Variants in MSH4 observed in about 807,000 individuals in gnomAD.
MSH4 encodes mutS homolog 4, also known as mutS protein homolog 4.
MSH4 carries 106 observed loss-of-function variants against 113.7 expected under a neutral mutation model. That is an observed-to-expected ratio of 0.93 (90% CI 0.80 to 1.10). The LOEUF (loss-of-function observed/expected upper bound fraction) is 1.10. MSH4 is among the 50% of genes least tolerant of loss of function. MSH4 has a pLI of 0.00. For synonymous variants in MSH4, 368 were observed against 380.2 expected (o/e 0.97, Z 0.37); for missense variants, 1,061 against 1,093.7 (o/e 0.97, Z 0.42).
intron 2 of MSH4, among the ~76,000 whole-genome samples, chr1:75,806,571 A>C (rs770205466): frequency 2.0e-4 from 31 of 151,866 alleles, no homozygotes; most frequent in Non-Finnish European, 2.8e-4. Flanking sequence ...CTATGTTTCT[A>C]GTTCTTTTTT....
chr1:75,831,669 C>T (rs1650694477), intron 7 of MSH4, among the ~76,000 whole-genome samples: 2 of 152,180 alleles, frequency 1.3e-5, no homozygotes, highest in South Asian at 4.1e-4. Flanking sequence ...ACTGAACAAC[C>T]TGCTCCTGAA....
intron 8 of MSH4, among the ~76,000 whole-genome samples, chr1:75,853,312 G>A (rs1346916643): frequency 6.6e-6 from 1 of 152,078 alleles, no homozygotes; most frequent in Non-Finnish European, 1.5e-5. Context: ...TGATCTGCCT[G>A]CCTCAGCCTC....
chr1:75,906,570 A>ATATATATAAT (rs1652660569), intron 19 of MSH4, among the ~76,000 whole-genome samples: 1 of 56,442 alleles, frequency 1.8e-5, no homozygotes, highest in Admixed American at 3.4e-4. Flanking sequence ...ATATTATATA[A>ATATATATAAT]ATTTAAATAT....
At chr1:75,907,726 A>G (rs1174301643) in intron 19 of MSH4, among the ~76,000 whole-genome samples, 2 of 116,778 alleles carry the variant, frequency 1.7e-5, no homozygotes, top group African/African-American at 6.8e-5. Flanking sequence ...ATATGTATAA[A>G]ATCTTTCAGG....
chr1:75,861,267 A>G lies in MSH4; in HGVS notation c.1231-6247A>G, dbSNP rs376338836. On this transcript the variant is annotated intron_variant, in intron 8 of 19. Transcript: ENST00000263187. The stretch of plus-strand genomic sequence containing the variant: ...GACCTTCTGAAGCCTACTTCTGTCA[A>G]GTCGTCAAACTCATTCTGCATCCAG... Among the ~76,000 whole-genome samples, 59 of 152,284 alleles carry G rather than the reference A, an allele frequency of 3.9e-4. 1 individual carries two copies. The highest frequency in any genetic ancestry group is 1.4e-3 in the African/African-American group (58 of 41,560).
At chr1:75,885,059 G>GTGTGTATA (rs1300289205) in intron 15 of MSH4, among the ~76,000 whole-genome samples, 40 of 112,538 alleles carry the variant, frequency 3.6e-4, no homozygotes, top group African/African-American at 1.2e-3. Flanking sequence ...GTGTGTGTGT[G>GTGTGTATA]TATATATATA....
chr1:75,802,864 C>T (rs1180965825), intron 1 of MSH4, among the ~76,000 whole-genome samples: 3 of 152,146 alleles, frequency 2.0e-5, no homozygotes, highest in Non-Finnish European at 4.4e-5. Context: ...GGTCTTTGTG[C>T]TGGTGGAGTC....
At chr1:75,875,214 A>G (rs1016656088) in intron 9 of MSH4, among the ~76,000 whole-genome samples, 1 of 152,194 alleles carries the variant, frequency 6.6e-6, no homozygotes, top group African/African-American at 2.4e-5. Context: ...TTTAACATCA[A>G]TAATGAGGCC....
At chr1:75,835,752 C>T (rs974752878) in intron 7 of MSH4, among the ~76,000 whole-genome samples, 2 of 152,226 alleles carry the variant, frequency 1.3e-5, no homozygotes, top group Non-Finnish European at 2.9e-5. Flanking sequence ...TATCACTTCT[C>T]TATTCACAGC....
chr1:75,904,586 A>C (rs1652580377), intron 19 of MSH4, among the ~76,000 whole-genome samples: 1 of 151,036 alleles, frequency 6.6e-6, no homozygotes, highest in Non-Finnish European at 1.5e-5. Flanking sequence ...ATCCCAGCCC[A>C]CTGCTTACTT....
At chr1:75,855,225 A>G (rs1372592480) in intron 8 of MSH4, among the ~76,000 whole-genome samples, 1 of 152,052 alleles carries the variant, frequency 6.6e-6, no homozygotes, top group Non-Finnish European at 1.5e-5. Flanking sequence ...TTTTGTAGAG[A>G]TGGGGAATTG....
chr1:75,867,715 G>A, intron 9 of MSH4, 127 bp downstream of exon 9: 1 of 635,116 alleles, frequency 1.6e-6, no homozygotes, highest in South Asian at 2.0e-5. Flanking sequence ...TTTTTTCTTT[G>A]TACATACTTT....
chr1:75,834,962 A>G (rs1650797017), intron 7 of MSH4, among the ~76,000 whole-genome samples: 1 of 152,194 alleles, frequency 6.6e-6, no homozygotes, highest in Admixed American at 6.6e-5. Flanking sequence ...AGGAAAAGAA[A>G]GTTGCCTTTG....
chr1:75,839,071 A>G (rs1030027129), intron 7 of MSH4, among the ~76,000 whole-genome samples: 5 of 152,202 alleles, frequency 3.3e-5, no homozygotes, highest in Non-Finnish European at 7.3e-5. Context: ...TCCCAAGACA[A>G]TACTGTTTGT....
rs140076487 is a variant in MSH4 at position 75,895,513 on chromosome 1, C to G, written c.2356-2394C>G. ...GTAGTTGTAATTACCAACTACAACTCTCTTACCAGTTACAGAAATAAGGAC... is the reference window on the plus strand; with the variant it reads ...GTAGTTGTAATTACCAACTACAACTGTCTTACCAGTTACAGAAATAAGGAC... On this transcript the variant is annotated intron_variant, in intron 17 of 19. Transcript: ENST00000263187. Among the ~76,000 whole-genome samples the G allele has an allele frequency of 5.3e-5, 8 of 152,208 alleles. No homozygotes were observed. The East Asian group carries it at 1.5e-3, about 29-fold the overall frequency.
At position 75,802,710 on chromosome 1, in the gene MSH4, A is replaced by T. The variant is rs150345125; in HGVS notation, c.245-1021A>T. On this transcript the variant is annotated intron_variant, in intron 1 of 19. Transcript: ENST00000263187. ...GGTTAAAAGAGGTCTAATAATTATTATACAAATGAAACATATGTCTTAGTC... is the reference window on the plus strand; with the variant it reads ...GGTTAAAAGAGGTCTAATAATTATTTTACAAATGAAACATATGTCTTAGTC... Among the ~76,000 whole-genome samples the T allele has an allele frequency of 1.4e-4, 22 of 152,376 alleles. No individual in the cohort carries two copies. In the East Asian group the frequency reaches 4.0e-3, roughly 28 times the overall value.
intron 17 of MSH4, among the ~76,000 whole-genome samples, chr1:75,892,076 G>C (rs1394248555): frequency 6.6e-6 from 1 of 152,084 alleles, no homozygotes; most frequent in Non-Finnish European, 1.5e-5. Flanking sequence ...TACCTAATGT[G>C]GGTGGGTCCC....
intron 19 of MSH4, among the ~76,000 whole-genome samples, chr1:75,907,481 T>A (rs1557535028): frequency 6.6e-6 from 1 of 151,882 alleles, no homozygotes; most frequent in Non-Finnish European, 1.5e-5. Context: ...TCATTTGGCT[T>A]GTCTTATTTG....
At chr1:75,905,991 A>C (rs982053610) in intron 19 of MSH4, among the ~76,000 whole-genome samples, 2 of 151,236 alleles carry the variant, frequency 1.3e-5, no homozygotes, top group Non-Finnish European at 3.0e-5. Context: ...ATCTTATTTT[A>C]TTTCTTTTAT....
Sources: gnomAD v4.1 joint callset for allele counts (sites outside exome capture counted in the v4.1 genomes callset) on GRCh38, gnomAD v4.1.1 for gene constraint, MANE v1.5 for transcripts, NCBI Gene and HGNC (gene_info 2026-07-23, HGNC 2026-07-21) for gene names.